Variants in MARCHF1 observed in about 807,000 individuals in gnomAD.
The protein encoded by MARCHF1 is membrane associated ring-CH-type finger 1.
In MARCHF1, 40 loss-of-function variants were observed where a neutral mutation model predicts 54.2. That is an observed-to-expected ratio of 0.74 (90% confidence interval 0.57 to 0.96). MARCHF1 has a LOEUF of 0.96. Among genes scored for constraint, MARCHF1 ranks in the 40% least tolerant of loss-of-function variants. MARCHF1 has a pLI of 0.00. For missense variants in MARCHF1, 586 were observed against 656.5 expected (o/e 0.89, Z 1.17); for synonymous variants, 236 against 236.3 (o/e 1.00, Z 0.01).
intron 3 of MARCHF1, among the ~76,000 whole-genome samples, chr4:163,927,877 G>C: frequency 6.6e-6 from 1 of 151,898 alleles, no homozygotes; most frequent in South Asian, 2.1e-4. Flanking sequence ...AGCTTCATGA[G>C]CAAGGGGATC....
chr4:164,122,949 G>A (rs1490406223), intron 1 of MARCHF1, among the ~76,000 whole-genome samples: 2 of 152,154 alleles, frequency 1.3e-5, no homozygotes, highest in South Asian at 2.1e-4. Context: ...AGACAAGAAA[G>A]CAATTCAAGA....
At chr4:164,336,918 T>A (rs1729756310) in intron 1 of MARCHF1, among the ~76,000 whole-genome samples, 1 of 151,244 alleles carries the variant, frequency 6.6e-6, no homozygotes, top group African/African-American at 2.4e-5. Flanking sequence ...CTAGTGAGGA[T>A]AAAATAATCT....
chr4:164,202,302 C>T (rs1220188831), intron 1 of MARCHF1, among the ~76,000 whole-genome samples: 1 of 152,000 alleles, frequency 6.6e-6, no homozygotes, highest in Non-Finnish European at 1.5e-5. Context: ...ATAATCTATA[C>T]CAAAACCCAA....
At chr4:163,785,993 C>G (rs1261383318) in intron 4 of MARCHF1, among the ~76,000 whole-genome samples, 1 of 151,888 alleles carries the variant, frequency 6.6e-6, no homozygotes, top group African/African-American at 2.4e-5. Flanking sequence ...TTTGCACATG[C>G]TATGATACTG....
At chr4:164,095,283 T>G (rs982791247) in intron 2 of MARCHF1, among the ~76,000 whole-genome samples, 7 of 152,066 alleles carry the variant, frequency 4.6e-5, no homozygotes, top group African/African-American at 1.4e-4. Context: ...GTACCTCAGT[T>G]TACTCATTGG....
intron 2 of MARCHF1, among the ~76,000 whole-genome samples, chr4:164,087,825 C>T (rs577895855): frequency 2.7e-5 from 4 of 150,238 alleles, no homozygotes; most frequent in Non-Finnish European, 5.9e-5. Context: ...TTTTTCTGTG[C>T]CTCATAGCAT....
intron 5 of MARCHF1, among the ~76,000 whole-genome samples, chr4:163,614,647 G>C (rs1247072325): frequency 6.6e-6 from 1 of 152,054 alleles, no homozygotes; most frequent in Non-Finnish European, 1.5e-5. Flanking sequence ...TTGAAGAGAA[G>C]GTATAGTAGG....
intron 4 of MARCHF1, among the ~76,000 whole-genome samples, chr4:163,747,230 G>A (rs1405462395): frequency 1.3e-5 from 2 of 152,200 alleles, no homozygotes; most frequent in East Asian, 3.8e-4. Context: ...TTGAGAATTT[G>A]TAACTATTGC....
At chr4:164,006,666 CAAG>C (rs1001914437) in intron 2 of MARCHF1, among the ~76,000 whole-genome samples, 7 of 151,886 alleles carry the variant, frequency 4.6e-5, no homozygotes, top group African/African-American at 7.3e-5. Context: ...AAGACTACCC[CAAG>C]GTATATAATA....
intron 3 of MARCHF1, among the ~76,000 whole-genome samples, chr4:163,887,740 T>C (rs1750571036): frequency 6.6e-6 from 1 of 152,288 alleles, no homozygotes; most frequent in Non-Finnish European, 1.5e-5. Context: ...ATATAAACAC[T>C]AAATTTTGAA....
intron 1 of MARCHF1, chr4:164,188,458 G>C (rs1043872431): frequency 6.2e-6 from 4 of 645,482 alleles, no homozygotes; most frequent in African/African-American, 5.4e-5. Context: ...AGGAGGACGT[G>C]GGCACGGTGG....
rs143439606 is a variant in MARCHF1 at position 163,904,278 on chromosome 4, C to G, written c.-38-50109G>C. Among the ~76,000 whole-genome samples the G allele has an allele frequency of 4.1e-4, 63 of 152,274 alleles. No homozygotes were observed. In the East Asian group the frequency reaches 0.012, roughly 28 times the overall value. On this transcript the variant is annotated intron_variant, in intron 3 of 9. Transcript: ENST00000514618. ...CAAAAAAGAAAAGCTGAACAACTTC[C>G]AGTTAATCTGCAATTAACTAAATGC...
At chr4:164,147,788 A>C (rs1303410175) in intron 1 of MARCHF1, among the ~76,000 whole-genome samples, 1 of 149,982 alleles carries the variant, frequency 6.7e-6, no homozygotes, top group Non-Finnish European at 1.5e-5. Flanking sequence ...TAACCTGCAC[A>C]TTGTGCACAT....
At chr4:164,240,809 G>A (rs746676459) in intron 1 of MARCHF1, among the ~76,000 whole-genome samples, 15 of 151,978 alleles carry the variant, frequency 9.9e-5, no homozygotes, top group Admixed American at 1.3e-4. Context: ...TTTGTTGGGG[G>A]AAACTACCTC....
At chr4:163,536,027 A>C (rs1353068842) in intron 9 of MARCHF1, among the ~76,000 whole-genome samples, 1 of 152,192 alleles carries the variant, frequency 6.6e-6, no homozygotes, top group African/African-American at 2.4e-5. Flanking sequence ...CATAATGTCC[A>C]TAGTGCTGAG....
Position 163,574,457 on chromosome 4 carries a change from T to G in MARCHF1, c.1191+11292A>C, listed in dbSNP as rs1279274411. The stretch of plus-strand genomic sequence containing the variant: ...GTTTTTATGGTTTTAGGTCTAACGT[T>G]TAAGTCTTTAATCCATCTTGAATTG... On this transcript the variant is annotated intron_variant, in intron 8 of 9. Coordinates refer to ENST00000514618, the MANE Select transcript of MARCHF1 (RefSeq NM_001394959.1). Among the ~76,000 whole-genome samples, 8 of 150,486 alleles carry G rather than the reference T, an allele frequency of 5.3e-5. 1 individual carries two copies. Among genetic ancestry groups the G allele is most frequent in the Admixed American group, 5.3e-4 (8 of 15,050 alleles).
At chr4:164,341,823 G>C (rs771794463) in intron 1 of MARCHF1, among the ~76,000 whole-genome samples, 1 of 152,126 alleles carries the variant, frequency 6.6e-6, no homozygotes, top group Non-Finnish European at 1.5e-5. Context: ...TCAGACTATA[G>C]CACCTGTTTG....
chr4:164,232,884 G>A (rs1156589931), intron 1 of MARCHF1, among the ~76,000 whole-genome samples: 1 of 152,136 alleles, frequency 6.6e-6, no homozygotes, highest in Non-Finnish European at 1.5e-5. Flanking sequence ...GACACGTGCT[G>A]TATTTTTGTC....
intron 2 of MARCHF1, among the ~76,000 whole-genome samples, chr4:164,050,510 T>A (rs1320026097): frequency 3.3e-5 from 5 of 152,036 alleles, no homozygotes; most frequent in Non-Finnish European, 7.4e-5. Flanking sequence ...TCTGATCTAA[T>A]CCACCATGTT....
Sources: allele counts gnomAD v4.1 joint callset (sites outside exome capture counted in the v4.1 genomes callset), GRCh38; gene constraint gnomAD v4.1.1; transcripts MANE v1.5; gene names NCBI Gene and HGNC (gene_info 2026-07-23, HGNC 2026-07-21).